MED27: variants seen among roughly 807,000 people sequenced by gnomAD.
The protein encoded by MED27 is mediator complex subunit 27.
Under a neutral mutation model 38.2 loss-of-function variants are expected in MED27, and 30 were observed. The observed-to-expected ratio is 0.79, with a 90% CI of 0.59 to 1.07. The LOEUF is 1.07. Ranked by LOEUF, MED27 falls within the 50% of genes least tolerant of loss-of-function variation. The pLI is 0.00. For synonymous variants in MED27, 122 were observed against 153.5 expected, an observed-to-expected ratio of 0.79 and a Z score of 1.52; for missense variants, 289 against 397.5, an observed-to-expected ratio of 0.73 and a Z score of 2.32.
At chr9:132,056,138 A>C (rs1833571585) in intron 2 of MED27, among the ~76,000 whole-genome samples, 1 of 152,216 alleles carries the variant, frequency 6.6e-6, no homozygotes, top group Non-Finnish European at 1.5e-5. Context: ...CATTTCCATC[A>C]AAATAACTAT....
chr9:131,932,245 C>T lies in MED27; in HGVS notation c.573+7136G>A, dbSNP rs1287736389. Among the ~76,000 whole-genome samples, 6 of 151,816 alleles carry T rather than the reference C, an allele frequency of 4.0e-5. No individual in the cohort carries two copies. The East Asian group carries it at 7.7e-4, about 20-fold the overall frequency. Reference sequence around the variant, plus strand: ...GAATTTTGAAAACCATACAAACACACGGAAATTAAACAATATGCTCCTGAA... The same window carrying T: ...GAATTTTGAAAACCATACAAACACATGGAAATTAAACAATATGCTCCTGAA... On this transcript the variant is annotated intron_variant, in intron 4 of 7. Transcript: ENST00000292035.
intron 2 of MED27, among the ~76,000 whole-genome samples, chr9:132,037,254 C>T (rs1833099145): frequency 6.6e-6 from 1 of 152,112 alleles, no homozygotes; most frequent in Non-Finnish European, 1.5e-5. Flanking sequence ...GAAGTGTAAT[C>T]CTAATCCATG....
intron 3 of MED27, among the ~76,000 whole-genome samples, chr9:131,990,568 C>T (rs1025743291): frequency 6.6e-6 from 1 of 152,232 alleles, no homozygotes; most frequent in African/African-American, 2.4e-5. Context: ...TCAAATAAAA[C>T]GTTCAGAACC....
chr9:132,066,291 A>G (rs1833807783), intron 2 of MED27, among the ~76,000 whole-genome samples: 1 of 152,240 alleles, frequency 6.6e-6, no homozygotes, highest in South Asian at 2.1e-4. Flanking sequence ...AGTGCAAGGC[A>G]TTCCAGGCGG....
chr9:131,885,962 C>T (rs1390932796), intron 5 of MED27, among the ~76,000 whole-genome samples: 1 of 152,128 alleles, frequency 6.6e-6, no homozygotes, highest in African/African-American at 2.4e-5. Context: ...TCAGGTAGAG[C>T]CCTGGGCCAT....
intron 3 of MED27, among the ~76,000 whole-genome samples, chr9:131,978,585 A>G (rs1048380341): frequency 6.6e-6 from 1 of 152,240 alleles, no homozygotes; most frequent in Non-Finnish European, 1.5e-5. Flanking sequence ...GAAATAGCAT[A>G]AGGATCTGAT....
intron 2 of MED27, among the ~76,000 whole-genome samples, chr9:132,054,311 CT>C (rs773719399): frequency 6.6e-6 from 1 of 152,218 alleles, no homozygotes; most frequent in African/African-American, 2.4e-5. Context: ...CCTGCTCCCA[CT>C]TTGCTTTCCG....
intron 2 of MED27, among the ~76,000 whole-genome samples, chr9:132,029,904 A>T (rs1322763878): frequency 6.6e-6 from 1 of 152,160 alleles, no homozygotes; most frequent in Non-Finnish European, 1.5e-5. Flanking sequence ...GCATGGCCCA[A>T]AAATTGCAAA....
At position 132,034,452 on chromosome 9, in the gene MED27, CT is replaced by C. The variant is rs938585400; in HGVS notation, c.349-19986del. On this transcript the variant is annotated intron_variant, in intron 2 of 7. Transcript: ENST00000292035. ...CAACCCTAACAAAGCCTGCCCTTCG[CT>C]TTGATGCTATTGCAGCGCTCTGTCC... Among the ~76,000 whole-genome samples, 3 of 152,356 alleles carry C rather than the reference CT, an allele frequency of 2.0e-5. No individual in the cohort carries two copies. The East Asian group carries it at 5.8e-4, about 29-fold the overall frequency.
At chr9:132,062,811 C>T (rs900347281) in intron 2 of MED27, among the ~76,000 whole-genome samples, 7 of 151,974 alleles carry the variant, frequency 4.6e-5, no homozygotes, top group South Asian at 2.1e-4. Flanking sequence ...TTTGTAGAGA[C>T]GGAGTCTCAC....
At chr9:132,053,118 T>C (rs958027755) in intron 2 of MED27, among the ~76,000 whole-genome samples, 6 of 152,088 alleles carry the variant, frequency 3.9e-5, no homozygotes, top group African/African-American at 1.4e-4. Context: ...CCGGGCGTGG[T>C]TGCAGGCACC....
chr9:132,001,753 AT>A (rs1449238549), intron 3 of MED27, among the ~76,000 whole-genome samples: 1 of 152,114 alleles, frequency 6.6e-6, no homozygotes, highest in Non-Finnish European at 1.5e-5. Flanking sequence ...CTCTGCCAAC[AT>A]TCCCCCCACA....
At chr9:132,011,808 A>G (rs1037129960) in intron 3 of MED27, among the ~76,000 whole-genome samples, 1 of 152,196 alleles carries the variant, frequency 6.6e-6, no homozygotes, top group East Asian at 1.9e-4. Context: ...GCAGCAGTCA[A>G]TTTTCACAGG....
At chr9:132,018,766 A>C (rs574074167) in intron 2 of MED27, among the ~76,000 whole-genome samples, 2 of 152,192 alleles carry the variant, frequency 1.3e-5, no homozygotes, top group East Asian at 3.9e-4. Context: ...ACATTTGAAA[A>C]CCTCAAAACT....
intron 2 of MED27, among the ~76,000 whole-genome samples, chr9:132,026,912 T>G (rs1832834914): frequency 6.6e-6 from 1 of 152,230 alleles, no homozygotes; most frequent in African/African-American, 2.4e-5. Context: ...GTTTCACAGA[T>G]GAGAAAATTG....
rs1839090723 is a variant in MED27, at chr9:131,883,866, G to A, written c.723+192C>T. Among the ~76,000 whole-genome samples, 1 of 152,114 alleles carries A rather than the reference G, an allele frequency of 6.6e-6. No homozygotes were observed. Among genetic ancestry groups the A allele is most frequent in the Non-Finnish European group, 1.5e-5 (1 of 68,026 alleles). ...CTGTACCCACCCTTAGGCAACCACG[G>A]ATCTGATTTCTGTCCCTAAGGTTTT... On this transcript the variant is annotated intron_variant, in intron 6 of 7. Coordinates refer to ENST00000292035, the MANE Select transcript of MED27 (RefSeq NM_004269.4). The surrounding 1 kb of genome is among the most constrained non-coding windows in gnomAD (Gnocchi z 4.2).
intron 4 of MED27, among the ~76,000 whole-genome samples, chr9:131,907,611 C>T (rs894078692): frequency 3.3e-5 from 5 of 151,998 alleles, no homozygotes; most frequent in Admixed American, 1.3e-4. Flanking sequence ...CCCAAAGTGC[C>T]GAGATTGCAG....
At chr9:132,043,342 T>C (rs1235332010) in intron 2 of MED27, among the ~76,000 whole-genome samples, 1 of 149,452 alleles carries the variant, frequency 6.7e-6, no homozygotes, top group Non-Finnish European at 1.5e-5. Context: ...AATAAAGATG[T>C]CTGTCTTCAG....
At chr9:131,874,087 C>T (rs898762781) in intron 6 of MED27, among the ~76,000 whole-genome samples, 3 of 152,188 alleles carry the variant, frequency 2.0e-5, no homozygotes, top group African/African-American at 7.2e-5. Flanking sequence ...GGGTCTCAGC[C>T]GCATTTCCCT....
Sources: allele counts gnomAD v4.1 joint callset (sites outside exome capture counted in the v4.1 genomes callset), GRCh38; gene constraint gnomAD v4.1.1; non-coding constraint Gnocchi (gnomAD v3.1); transcripts MANE v1.5; gene names NCBI Gene and HGNC (gene_info 2026-07-23, HGNC 2026-07-21).